DAPK2: variants seen among roughly 807,000 people sequenced by gnomAD.
DAPK2 encodes the protein death-associated protein kinase 2.
A neutral mutation model predicts 44.1 loss-of-function variants in DAPK2; 35 were observed. The observed-to-expected ratio is 0.79, with a 90% CI of 0.61 to 1.05. The LOEUF (loss-of-function observed/expected upper bound fraction) is 1.05, where lower values mean the gene tolerates loss of function less well. Ranked by LOEUF, DAPK2 falls within the 50% of genes least tolerant of loss-of-function variation. The pLI is 0.00. For missense variants in DAPK2, 453 were observed against 483.2 expected (o/e 0.94, Z 0.59); for synonymous variants, 174 against 182.6 (o/e 0.95, Z 0.38).
chr15:63,925,081 TTACC>T (rs2079203088), intron 7 of DAPK2, among the ~76,000 whole-genome samples: 3 of 152,166 alleles, frequency 2.0e-5, no homozygotes, highest in Admixed American at 1.3e-4. Context: ...AGTGGCCTTG[TTACC>T]TACACCCATA....
intron 4 of DAPK2, among the ~76,000 whole-genome samples, chr15:63,934,419 G>A (rs2077077463): frequency 6.6e-6 from 1 of 151,648 alleles, no homozygotes; most frequent in Non-Finnish European, 1.5e-5. Flanking sequence ...ACCACACCCA[G>A]CTAATTTTTG....
At position 63,912,262 on chromosome 15, in the gene DAPK2, G is replaced by A. The variant is rs146826506; in HGVS notation, c.859-65C>T. On this transcript the variant is annotated intron_variant, in intron 8 of 10. Coordinates refer to ENST00000261891, the Ensembl canonical transcript of DAPK2. This position sits in a 1 kb window ranked among gnomAD's most constrained non-coding sequence, Gnocchi z 4.4. ...TCAGACAGCAGCCACCCTCCTCGCC[G>A]CAGAACTCCCCACCCACCGCATGCC... is the stretch of plus-strand genomic sequence containing the variant. 28 of 1,524,324 alleles carry A rather than the reference G, an allele frequency of 1.8e-5. No homozygotes were observed. Among genetic ancestry groups the A allele is most frequent in the African/African-American group, 8.2e-5 (6 of 73,272 alleles). 94.4% of individuals were successfully genotyped at this position (1,524,324 alleles called of 1,614,324 possible). A position where few individuals can be genotyped will look rare whatever the true frequency, so the allele number is the denominator to read the frequency against.
chr15:63,922,765 A>G (rs1280723807), intron 8 of DAPK2: 2 of 1,522,956 alleles, frequency 1.3e-6, no homozygotes, highest in African/African-American at 2.8e-5. Context: ...GAAATTCCTC[A>G]GTGCATGATC....
At chr15:63,918,847 T>A (rs2078998159) in intron 8 of DAPK2, 1 of 151,912 alleles carries the variant, frequency 6.6e-6, no homozygotes, top group African/African-American at 2.4e-5. Flanking sequence ...TCTGTGCGGC[T>A]CCCCCACCAA....
Position 63,912,799 on chromosome 15 carries a change from G to T in DAPK2, c.859-602C>A, listed in dbSNP as rs2078831911. Among the ~76,000 whole-genome samples the T allele has an allele frequency of 6.6e-6, 1 of 152,112 alleles. No homozygotes were observed. The highest frequency in any genetic ancestry group is 1.5e-5 in the Non-Finnish European group (1 of 68,010). On this transcript the variant is annotated intron_variant, in intron 8 of 10. Transcript: ENST00000261891. This position sits in a 1 kb window ranked among gnomAD's most constrained non-coding sequence, Gnocchi z 4.4. ...GGGGATAATAATATCATGTCACAGG[G>T]TTGTTAAGGATTATATGATCATGCA...
chr15:64,022,161 C>T (rs1321484530), intron 1 of DAPK2, among the ~76,000 whole-genome samples: 1 of 152,172 alleles, frequency 6.6e-6, no homozygotes, highest in African/African-American at 2.4e-5. Flanking sequence ...CATCCAAATG[C>T]TGGTTAGTAT....
chr15:64,018,160 C>T (rs1363456241), intron 1 of DAPK2, among the ~76,000 whole-genome samples: 3 of 152,232 alleles, frequency 2.0e-5, no homozygotes, highest in Non-Finnish European at 4.4e-5. Flanking sequence ...TGAAACCCAA[C>T]TCTGAGGCAT....
chr15:63,986,167 A>C (rs776691377), intron 1 of DAPK2, among the ~76,000 whole-genome samples: 3 of 152,140 alleles, frequency 2.0e-5, no homozygotes, highest in Non-Finnish European at 4.4e-5. Context: ...AACACCCTCC[A>C]CCAGACCCAG....
upstream of DAPK2, among the ~76,000 whole-genome samples, chr15:64,040,682 G>T: frequency 6.6e-6 from 1 of 152,032 alleles, no homozygotes; most frequent in East Asian, 1.9e-4. Context: ...AGGCCGAGGT[G>T]GGTGGATTAC....
At chr15:63,911,227 A>AAG (rs1555461216) in intron 10 of DAPK2, 1 of 7,910 alleles carries the variant, frequency 1.3e-4, no homozygotes, top group Admixed American at 3.8e-3. Flanking sequence ...CTAAACAAAC[A>AAG]AAAAAAAAAA....
Position 63,983,683 on chromosome 15 carries a change from T to G in DAPK2, c.164A>C (p.Lys55Thr), listed in dbSNP as rs1489707225. The G allele has an allele frequency of 8.1e-6, 13 of 1,613,856 alleles. No homozygotes were observed. Among genetic ancestry groups the G allele is most frequent in the Non-Finnish European group, 1.1e-5 (13 of 1,180,040 alleles). The change falls in exon 2 of 11, where the codon AAG (lysine) becomes ACG (threonine). Residue 55 changes from lysine to threonine, a missense_variant. Physicochemically the swap from Lys to Thr is moderately conservative, Grantham distance 78. Transcript: ENST00000261891. Reference sequence around the variant, plus strand: ...CCGGCTCGCCCGGCTCTGCCGCTTCTTGATGAACTTGGCTGCATACTCAAG... The same window carrying G: ...CCGGCTCGCCCGGCTCTGCCGCTTCGTGATGAACTTGGCTGCATACTCAAG...
chr15:63,981,901 G>A (rs534122790), intron 2 of DAPK2, among the ~76,000 whole-genome samples: 12 of 152,292 alleles, frequency 7.9e-5, no homozygotes, highest in African/African-American at 2.6e-4. Flanking sequence ...ACACCGAGAT[G>A]GATAATTTAA....
chr15:63,939,379 G>GAA lies in DAPK2; in HGVS notation c.454-20_454-19dup, dbSNP rs760256945. On this transcript the variant is annotated intron_variant, in intron 3 of 10. Transcript: ENST00000261891. The surrounding 1 kb of genome is among the most constrained non-coding windows in gnomAD (Gnocchi z 4.3). The stretch of plus-strand genomic sequence containing the variant: ...TTTTCTGGCTGGACAACAAAAAGTA[G>GAA]AAAAAAAAAAAAGGAAGGAAGAAAA... 263 of 987,470 alleles carry GAA rather than the reference G, an allele frequency of 2.7e-4. No homozygotes were observed. The highest frequency in any genetic ancestry group is 4.9e-4 in the East Asian group (14 of 28,624). 61.2% of individuals were successfully genotyped at this position (987,470 alleles called of 1,614,324 possible).
intron 4 of DAPK2, among the ~76,000 whole-genome samples, chr15:63,933,529 C>T (rs991862387): frequency 2.2e-4 from 33 of 152,170 alleles, no homozygotes; most frequent in African/African-American, 8.0e-4. Flanking sequence ...AGGCGTGAGC[C>T]ACAGCGCCTG....
intron 3 of DAPK2, among the ~76,000 whole-genome samples, chr15:63,940,436 C>T (rs117651487): frequency 0.039 from 5,887 of 151,990 alleles, 151 homozygotes; most frequent in South Asian, 0.079. Flanking sequence ...TACTGCTGGG[C>T]GCGGTGGCTC....
chr15:64,035,120 A>T (rs553848802), intron 1 of DAPK2, among the ~76,000 whole-genome samples: 125 of 152,058 alleles, frequency 8.2e-4, no homozygotes, highest in African/African-American at 2.9e-3. Flanking sequence ...GTGAGCTGAG[A>T]TCATGCAACT....
intron 4 of DAPK2, among the ~76,000 whole-genome samples, chr15:63,936,131 A>G (rs1295298075): frequency 2.0e-5 from 3 of 152,162 alleles, no homozygotes; most frequent in Admixed American, 6.5e-5. Context: ...TAATTTCAGT[A>G]TCTTATGTCC....
At chr15:63,955,486 T>C (rs988665423) in intron 3 of DAPK2, among the ~76,000 whole-genome samples, 5 of 152,222 alleles carry the variant, frequency 3.3e-5, no homozygotes, top group African/African-American at 9.7e-5. Context: ...AGGATAATAC[T>C]GGCCTCTTAG....
Position 63,939,129 on chromosome 15 carries a change from T to C in DAPK2, c.583+103A>G. The C allele has an allele frequency of 1.3e-6, 2 of 1,534,072 alleles. No homozygotes were observed. The highest frequency in any genetic ancestry group is 1.7e-6 in the Non-Finnish European group (2 of 1,143,350). Reference sequence around the variant, plus strand: ...TTTCTAGAGATGTCCCAATGCATCATCTCTTTGCTCAGAGGCCATAGCCCC... The same window carrying C: ...TTTCTAGAGATGTCCCAATGCATCACCTCTTTGCTCAGAGGCCATAGCCCC... On this transcript the variant is annotated intron_variant, in intron 4 of 10. Transcript: ENST00000261891. This position sits in a 1 kb window ranked among gnomAD's most constrained non-coding sequence, Gnocchi z 4.3.
Sources: allele counts gnomAD v4.1 joint callset (sites outside exome capture counted in the v4.1 genomes callset), GRCh38; gene constraint gnomAD v4.1.1; non-coding constraint Gnocchi (gnomAD v3.1); transcripts MANE v1.5; gene names NCBI Gene and HGNC (gene_info 2026-07-23, HGNC 2026-07-21).